The following PRDM12 variants were observed in gnomAD, a reference collection of about 807,000 sequenced individuals.
The protein encoded by PRDM12 is PR domain zinc finger protein 12.
PRDM12 carries 17 observed loss-of-function variants against 29.6 expected under a neutral mutation model. The observed-to-expected ratio is 0.57, with a 90% CI of 0.39 to 0.86. PRDM12 has a LOEUF of 0.86. PRDM12 is among the 40% of genes least tolerant of loss of function. PRDM12 has a pLI of 0.00. For synonymous variants in PRDM12, 231 were observed against 225.8 expected (o/e 1.02, Z -0.21); for missense variants, 422 against 510.8 (o/e 0.83, Z 1.68).
Position 130,680,172 on chromosome 9 carries a change from A to G in PRDM12, c.683-1076A>G, listed in dbSNP as rs182692160. Among the ~76,000 whole-genome samples the G allele has an allele frequency of 5.8e-3, 878 of 151,824 alleles. 13 individuals carry two copies. The highest frequency in any genetic ancestry group is 0.019 in the African/African-American group (800 of 41,454). ...GTCAACATGGCAAGACCCCATCTCT[A>G]CAAAAAATTTAAAAGTTAGCCAGGT... On this transcript the variant is annotated intron_variant, in intron 4 of 4. Coordinates refer to ENST00000253008, the MANE Select transcript of PRDM12 (RefSeq NM_021619.3).
At position 130,668,013 on chromosome 9, in the gene PRDM12, CCTTCCTTTCTTCAGT is replaced by C; in HGVS notation, c.415-144_415-130del. On this transcript the variant is annotated intron_variant, in intron 2 of 4. Coordinates refer to ENST00000253008, the MANE Select transcript of PRDM12 (RefSeq NM_021619.3). The surrounding 1 kb of genome is among the most constrained non-coding windows in gnomAD (Gnocchi z 4.0). ...CAGGCAAGTCCCTGCACCTCTCCAG[CCTTCCTTTCTTCAGT>C]GGGAAAATGAAGCTTTATCCACTTC... is the stretch of plus-strand genomic sequence containing the variant. 1 of 1,149,556 alleles carries C rather than the reference CCTTCCTTTCTTCAGT, an allele frequency of 8.7e-7. No individual in the cohort carries two copies. The highest frequency in any genetic ancestry group is 1.2e-6 in the Non-Finnish European group (1 of 816,708). The allele number at this position is 1,149,556 out of a possible 1,614,324, so 71.2% of individuals were successfully genotyped here.
Position 130,668,435 on chromosome 9 carries a change from T to A in PRDM12, c.570+122T>A. On this transcript the variant is annotated intron_variant, in intron 3 of 4. Coordinates refer to ENST00000253008, the MANE Select transcript of PRDM12 (RefSeq NM_021619.3). This position sits in a 1 kb window ranked among gnomAD's most constrained non-coding sequence, Gnocchi z 4.0. ...AGAGGGGAGCTGACACTGGCCTCGC[T>A]GGCTCTGCGCAGGCCATGGGGCTGT... 2 of 1,481,490 alleles carry A rather than the reference T, an allele frequency of 1.3e-6. No homozygotes were observed. The highest frequency in any genetic ancestry group is 2.5e-5 in the South Asian group (2 of 78,580). The allele number at this position is 1,481,490 out of a possible 1,614,324, so 91.8% of individuals were successfully genotyped here.
In PRDM12 at chr9:130,681,273, G is replaced by A. The variant is rs766947685; in HGVS notation, c.708G>A (p.Ala236=). 7.5e-6 allele frequency: 11 copies of A among 1,473,648 alleles called. No homozygotes were observed. Among genetic ancestry groups the A allele is most frequent in the African/African-American group, 1.4e-5 (1 of 69,722 alleles). 91.3% of individuals were successfully genotyped at this position (1,473,648 alleles called of 1,614,324 possible). ...KHEDFHPADS[A]AGPAGRMRCV... Reference sequence around the variant, plus strand: ...AGGACTTCCACCCGGCGGACTCGGCGGCTGGCCCCGCGGGCCGCATGCGAT... The same window carrying A: ...AGGACTTCCACCCGGCGGACTCGGCAGCTGGCCCCGCGGGCCGCATGCGAT... Residue 236 remains alanine (A), a synonymous_variant, in exon 5 of 5, where the codon GCG becomes GCA. Transcript: ENST00000253008. The surrounding 1 kb of genome is among the most constrained non-coding windows in gnomAD (Gnocchi z 8.1).
chr9:130,665,771 C>A (rs1012474810), intron 1 of PRDM12, among the ~76,000 whole-genome samples: 3 of 152,150 alleles, frequency 2.0e-5, no homozygotes, highest in African/African-American at 7.2e-5. Flanking sequence ...TAACCCCCCC[C>A]TTTCAGCCGG....
Position 130,668,928 on chromosome 9 carries a change from C to T in PRDM12, c.570+615C>T, listed in dbSNP as rs1312342529. ...CAGAAAACCAGGTCTCCCTCGGTGG[C>T]AGCAGACTTGGGGGTTTTGCCGGCC... On this transcript the variant is annotated intron_variant, in intron 3 of 4. Coordinates refer to ENST00000253008, the MANE Select transcript of PRDM12 (RefSeq NM_021619.3). The surrounding 1 kb of genome is among the most constrained non-coding windows in gnomAD (Gnocchi z 4.0). Among the ~76,000 whole-genome samples, 1 of 152,148 alleles carries T rather than the reference C, an allele frequency of 6.6e-6. No individual in the cohort carries two copies. The highest frequency in any genetic ancestry group is 1.9e-4 in the East Asian group (1 of 5,188).
At chr9:130,672,513 GCTCAGCC>G (rs528744928) in intron 3 of PRDM12, among the ~76,000 whole-genome samples, 193 of 152,312 alleles carry the variant, frequency 1.3e-3, no homozygotes, top group African/African-American at 4.6e-3. Context: ...AATAGAATCT[GCTCAGCC>G]CTCGGGGTGC....
intron 3 of PRDM12, among the ~76,000 whole-genome samples, chr9:130,677,333 T>C (rs927376920): frequency 2.6e-5 from 4 of 152,146 alleles, no homozygotes; most frequent in African/African-American, 9.7e-5. Flanking sequence ...GAGTTCTGAG[T>C]GTGGGCTCTG....
chr9:130,673,267 G>A (rs1424623942), intron 3 of PRDM12, among the ~76,000 whole-genome samples: 1 of 152,208 alleles, frequency 6.6e-6, no homozygotes, highest in Non-Finnish European at 1.5e-5. Context: ...GGGACCCCGG[G>A]AGCCTCTGCA....
chr9:130,667,169 G>A (rs890545172), intron 2 of PRDM12, among the ~76,000 whole-genome samples: 2 of 152,196 alleles, frequency 1.3e-5, no homozygotes. Context: ...CCCTGGCCCC[G>A]GAAGCAGCCT....
rs1830756431 is a variant in PRDM12 at position 130,668,525 on chromosome 9, G to A, written c.570+212G>A. Among the ~76,000 whole-genome samples, 3 of 152,222 alleles carry A rather than the reference G, an allele frequency of 2.0e-5. No homozygotes were observed. Among genetic ancestry groups the A allele is most frequent in the Admixed American group, 2.0e-4 (3 of 15,286 alleles). The stretch of plus-strand genomic sequence containing the variant: ...GTGTGACCTCCATGGGAAGCTTTCT[G>A]CTGCAGATCAGAAATGATGGAGCTC... On this transcript the variant is annotated intron_variant, in intron 3 of 4. Coordinates refer to ENST00000253008, the MANE Select transcript of PRDM12 (RefSeq NM_021619.3). This position sits in a 1 kb window ranked among gnomAD's most constrained non-coding sequence, Gnocchi z 4.0.
chr9:130,679,712 G>C (rs994370237), intron 4 of PRDM12, among the ~76,000 whole-genome samples: 1 of 152,016 alleles, frequency 6.6e-6, no homozygotes, highest in African/African-American at 2.4e-5. Context: ...CCAGGCTGGA[G>C]TGCAGTGGCA....
rs941407403 is a variant in PRDM12 at position 130,670,618 on chromosome 9, G to A, written c.570+2305G>A. On this transcript the variant is annotated intron_variant, in intron 3 of 4. Transcript: ENST00000253008. The stretch of plus-strand genomic sequence containing the variant: ...CCACATCCTAAAATTGGCTTCCAGT[G>A]TAGCTGAACCCCACATATAACAGAA... 2.6e-5 allele frequency among the ~76,000 whole-genome samples: 4 copies of A among 152,292 alleles called. No homozygotes were observed. The South Asian group carries it at 8.3e-4, about 32-fold the overall frequency.
Position 130,678,597 on chromosome 9 carries a change from A to C in PRDM12, c.639A>C (p.Pro213=), listed in dbSNP as rs1158933703. 1 of 1,613,366 alleles carries C rather than the reference A, an allele frequency of 6.2e-7. No homozygotes were observed. Among genetic ancestry groups the C allele is most frequent in the African/African-American group, 1.3e-5 (1 of 74,884 alleles). ...CACACAACACCTTCCTGGGGATCCC[A>C]GGTGTGCCCGGGCTAGAGGAGGACC... ...GNSHNTFLGI[P]GVPGLEEDQK... Residue 213 remains proline, a synonymous_variant, in exon 4 of 5, where the codon CCA becomes CCC. Coordinates refer to ENST00000253008, the MANE Select transcript of PRDM12 (RefSeq NM_021619.3).
At chr9:130,665,282 G>A (rs1280859512) in intron 1 of PRDM12, among the ~76,000 whole-genome samples, 2 of 136,966 alleles carry the variant, frequency 1.5e-5, no homozygotes, top group Non-Finnish European at 1.6e-5. Context: ...CTTAAACCAA[G>A]AACTTTAAAA....
chr9:130,674,904 G>T (rs1055567259), intron 3 of PRDM12, among the ~76,000 whole-genome samples: 1 of 152,080 alleles, frequency 6.6e-6, no homozygotes, highest in South Asian at 2.1e-4. Flanking sequence ...TTTTGAGATG[G>T]AGTTTCACTT....
intron 3 of PRDM12, among the ~76,000 whole-genome samples, chr9:130,671,466 GC>G (rs1830789066): frequency 6.6e-6 from 1 of 151,970 alleles, no homozygotes; most frequent in Admixed American, 6.6e-5. Flanking sequence ...GGCTATCAGT[GC>G]TTTTACAGAG....
chr9:130,673,689 G>A (rs1356097376), intron 3 of PRDM12, among the ~76,000 whole-genome samples: 4 of 42,620 alleles, frequency 9.4e-5, no homozygotes, highest in African/African-American at 3.3e-4. Flanking sequence ...TTTTTTTTTT[G>A]AGACAGAGTT....
At chr9:130,673,284 T>C (rs1830805621) in intron 3 of PRDM12, among the ~76,000 whole-genome samples, 1 of 152,108 alleles carries the variant, frequency 6.6e-6, no homozygotes, top group South Asian at 2.1e-4. Flanking sequence ...TGCACAGTGA[T>C]CCCAGGGTTC....
chr9:130,666,705 G>C lies in PRDM12; in HGVS notation c.321G>C (p.Trp107Cys), dbSNP rs1326707970. 1.2e-6 allele frequency: 2 copies of C among 1,613,598 alleles called. No individual in the cohort carries two copies. The highest frequency in any genetic ancestry group is 4.5e-5 in the East Asian group (2 of 44,864). ...GEGLGIFSKT[W>C]IKAGTEMGPF... ...GCCTCGGCATCTTCTCCAAGACGTG[G>C]ATCAAGGCGGGAACCGAGATGGGCC... Residue 107 changes from tryptophan to cysteine, a missense_variant, in exon 2 of 5, where the codon TGG (tryptophan) becomes TGC (cysteine). Physicochemically the swap from Trp to Cys is radical, Grantham distance 215. This residue lies in a region of PRDM12 where 300 missense variants were observed against 350.0 expected (regional missense o/e 0.86). Coordinates refer to ENST00000253008, the MANE Select transcript of PRDM12 (RefSeq NM_021619.3).
Sources: allele counts gnomAD v4.1 joint callset (sites outside exome capture counted in the v4.1 genomes callset), GRCh38; gene constraint gnomAD v4.1.1; regional missense constraint gnomAD v4.1.1; non-coding constraint Gnocchi (gnomAD v3.1); transcripts MANE v1.5; gene names NCBI Gene and HGNC (gene_info 2026-07-23, HGNC 2026-07-21).